Variants in DSE observed in about 807,000 individuals in gnomAD.
DSE encodes dermatan sulfate epimerase.
A neutral mutation model predicts 84.4 loss-of-function variants in DSE; 36 were observed. The observed-to-expected ratio is 0.43, with a 90% CI of 0.33 to 0.56. DSE has a LOEUF of 0.56. DSE is among the 20% of genes least tolerant of loss of function. The probability of loss-of-function intolerance (pLI) is 0.06; values close to 1 mark genes in which losing one functional copy is unlikely to be tolerated. For missense variants in DSE, 862 were observed against 1,169.6 expected (o/e 0.74, Z 3.84); for synonymous variants, 410 against 430.1 (o/e 0.95, Z 0.58).
intron 2 of DSE, among the ~76,000 whole-genome samples, chr6:116,270,863 A>G (rs1772849392): frequency 1.3e-5 from 2 of 152,184 alleles, no homozygotes; most frequent in South Asian, 4.1e-4. Context: ...AATGCAGCCC[A>G]TGTTACCTTC....
chr6:116,393,175 C>T lies in DSE; in HGVS notation c.-53-6023C>T, dbSNP rs565056829. ...CTTTTGTATATGAAGAATTAAATTACTGACCCTAGGAAGAAAATTTAGTTA... is the reference window on the plus strand; with the variant it reads ...CTTTTGTATATGAAGAATTAAATTATTGACCCTAGGAAGAAAATTTAGTTA... On this transcript the variant is annotated intron_variant, in intron 1 of 5. Transcript: ENST00000644252. Among the ~76,000 whole-genome samples, 42 of 152,328 alleles carry T rather than the reference C, an allele frequency of 2.8e-4. No homozygotes were observed. In the South Asian group the frequency reaches 3.9e-3, roughly 14 times the overall value.
chr6:116,351,015 T>C (rs1273120875), intron 2 of DSE, among the ~76,000 whole-genome samples: 1 of 152,196 alleles, frequency 6.6e-6, no homozygotes, highest in Non-Finnish European at 1.5e-5. Context: ...TAAAAAAGAA[T>C]GTTCATTTGT....
intron 1 of DSE, 47 bp from the exon 2 acceptor site, chr6:116,399,151 T>C (rs747175306): frequency 1.9e-5 from 29 of 1,511,962 alleles, no homozygotes; most frequent in African/African-American, 1.2e-4. Flanking sequence ...ACCTGTGCCA[T>C]GTTCCCTTGG....
chr6:116,315,624 T>C (rs1775927014), intron 2 of DSE, among the ~76,000 whole-genome samples: 1 of 152,218 alleles, frequency 6.6e-6, no homozygotes, highest in Non-Finnish European at 1.5e-5. Context: ...CGTGTTATAC[T>C]GACTAAAATT....
intron 2 of DSE, among the ~76,000 whole-genome samples, chr6:116,313,464 A>G (rs891000127): frequency 3.3e-5 from 5 of 152,230 alleles, no homozygotes; most frequent in African/African-American, 1.2e-4. Context: ...CATTTGGTAA[A>G]TTTGATTAGA....
rs527582839 is a variant in DSE at position 116,437,296 on chromosome 6, G to A, written c.2828G>A (p.Ser943Asn). The change falls in exon 6 of 6, where the codon AGC becomes AAC. Residue 943 changes from serine to asparagine, a missense_variant. By Grantham distance (46) the Ser-to-Asn change is conservative (BLOSUM62 1). This residue lies in a region of DSE where 315 missense variants were observed against 348.1 expected (regional missense o/e 0.90). Transcript: ENST00000644252. ...CTTTATGCAGTTCTTCTCATAGATA[G>A]CTGTATTTTATTATGGTTGTACTCT... is the stretch of plus-strand genomic sequence containing the variant. ...RCLYAVLLIDSCILLWLYSSC... is the reference protein window; with the variant it reads ...RCLYAVLLIDNCILLWLYSSC... The A allele has an allele frequency of 1.2e-6, 2 of 1,613,844 alleles. No homozygotes were observed.
At chr6:116,289,954 A>G (rs1424100001) in intron 2 of DSE, among the ~76,000 whole-genome samples, 5 of 152,238 alleles carry the variant, frequency 3.3e-5, no homozygotes, top group Admixed American at 6.5e-5. Flanking sequence ...AAATATTTAT[A>G]TTTATTGAAT....
intron 2 of DSE, among the ~76,000 whole-genome samples, chr6:116,322,103 GTGAT>G (rs67772729): frequency 0.24 from 35,918 of 151,962 alleles, 5,627 homozygotes; most frequent in Non-Finnish European, 0.36. Flanking sequence ...TGAGAGGGAC[GTGAT>G]TGATTGAGCA....
chr6:116,374,062 T>C (rs1779774321), intron 1 of DSE, among the ~76,000 whole-genome samples: 1 of 152,222 alleles, frequency 6.6e-6, no homozygotes, highest in Admixed American at 6.5e-5. Flanking sequence ...AAATATTACA[T>C]AACCTGAAAC....
At chr6:116,393,437 A>G (rs1781038646) in intron 1 of DSE, among the ~76,000 whole-genome samples, 1 of 152,210 alleles carries the variant, frequency 6.6e-6, no homozygotes, top group African/African-American at 2.4e-5. Context: ...AAGTATGAAG[A>G]TTTAGTTTCT....
At chr6:116,344,381 A>G (rs1035535827) in intron 2 of DSE, among the ~76,000 whole-genome samples, 1 of 152,246 alleles carries the variant, frequency 6.6e-6, no homozygotes, top group Non-Finnish European at 1.5e-5. Flanking sequence ...GGGCAGCCAG[A>G]GAGAAAGGTT....
chr6:116,349,918 T>G (rs981954645), intron 2 of DSE, among the ~76,000 whole-genome samples: 4 of 152,196 alleles, frequency 2.6e-5, no homozygotes, highest in Admixed American at 1.3e-4. Flanking sequence ...TATAGTTACT[T>G]TTTACAGAGA....
intron 2 of DSE, among the ~76,000 whole-genome samples, chr6:116,348,451 A>C (rs1351346935): frequency 2.6e-5 from 4 of 151,890 alleles, no homozygotes; most frequent in East Asian, 1.9e-4. Context: ...AAAACAAAAA[A>C]AAAACCCCAA....
chr6:116,280,572 A>T (rs1773463852), intron 2 of DSE, among the ~76,000 whole-genome samples: 1 of 152,226 alleles, frequency 6.6e-6, no homozygotes, highest in African/African-American at 2.4e-5. Flanking sequence ...GGAAATTATA[A>T]CTATTTCCAG....
At chr6:116,318,478 G>T (rs1776119446) in intron 2 of DSE, among the ~76,000 whole-genome samples, 1 of 151,238 alleles carries the variant, frequency 6.6e-6, no homozygotes, top group African/African-American at 2.4e-5. Context: ...CTCCAGGCTG[G>T]GCAACAGAGT....
At chr6:116,312,363 A>T (rs1326153995) in intron 2 of DSE, among the ~76,000 whole-genome samples, 1 of 152,236 alleles carries the variant, frequency 6.6e-6, no homozygotes, top group Non-Finnish European at 1.5e-5. Flanking sequence ...GAGGAAGATA[A>T]GTTACTTTTA....
chr6:116,284,934 G>T (rs1313034062), intron 2 of DSE, among the ~76,000 whole-genome samples: 2 of 152,070 alleles, frequency 1.3e-5, no homozygotes, highest in Non-Finnish European at 2.9e-5. Flanking sequence ...GGACATTTGG[G>T]TTGGTTCCAA....
chr6:116,347,209 GATTCAGTGCCATCCCCATCAAGCTACC>G (rs2114839490), intron 2 of DSE, among the ~76,000 whole-genome samples: 1 of 152,252 alleles, frequency 6.6e-6, no homozygotes, highest in Non-Finnish European at 1.5e-5. Flanking sequence ...GTAATTTATA[GATTCAGTGCCATCCCCATCAAGCTACC>G]AATGACTTTC....
chr6:116,350,675 C>A (rs375317044), intron 2 of DSE, among the ~76,000 whole-genome samples: 1 of 152,126 alleles, frequency 6.6e-6, no homozygotes, highest in Non-Finnish European at 1.5e-5. Context: ...TAAGACTATT[C>A]CTTGGACAGA....
Sources: gnomAD v4.1 joint callset for allele counts (sites outside exome capture counted in the v4.1 genomes callset) on GRCh38, gnomAD v4.1.1 for gene constraint, gnomAD v4.1.1 regional missense constraint, MANE v1.5 for transcripts, NCBI Gene and HGNC (gene_info 2026-07-23, HGNC 2026-07-21) for gene names.